The following CCNY variants were observed in gnomAD, a reference collection of about 807,000 sequenced individuals.
The protein encoded by CCNY is cyclin-Y.
In CCNY, 19 loss-of-function variants were observed where a neutral mutation model predicts 42.8. The ratio of observed to expected loss-of-function variants is 0.44; its 90% confidence interval spans 0.31 to 0.65. CCNY has a LOEUF of 0.65. Among genes scored for constraint, CCNY ranks in the 30% least tolerant of loss-of-function variants. CCNY has a pLI of 0.07. For missense variants in CCNY, 370 were observed against 437.3 expected, an observed-to-expected ratio of 0.85 and a Z score of 1.37; for synonymous variants, 165 against 162.7, an observed-to-expected ratio of 1.01 and a Z score of -0.11.
chr10:35,339,720 C>T (rs1456334127), intron 1 of CCNY, among the ~76,000 whole-genome samples: 1 of 152,122 alleles, frequency 6.6e-6, no homozygotes, highest in African/African-American at 2.4e-5. Flanking sequence ...GCTTTCTTCC[C>T]TTTGTCACCA....
chr10:35,286,655 CTTT>C (rs1192327536), intron 3 of CCNY, among the ~76,000 whole-genome samples: 1 of 112,220 alleles, frequency 8.9e-6, no homozygotes. Flanking sequence ...CGTGCCCAGC[CTTT>C]TTTTTTTTTT....
chr10:35,445,013 A>G (rs1169188339), intron 1 of CCNY, among the ~76,000 whole-genome samples: 1 of 152,148 alleles, frequency 6.6e-6, no homozygotes, highest in Non-Finnish European at 1.5e-5. Flanking sequence ...CTTCAGGGTG[A>G]TCAGTGGTGC....
chr10:35,333,444 C>T (rs902838744), upstream of CCNY, among the ~76,000 whole-genome samples: 3 of 152,126 alleles, frequency 2.0e-5, no homozygotes, highest in Non-Finnish European at 4.4e-5. Context: ...TAGTACTAGT[C>T]CTAAGTGGTT....
upstream of CCNY, among the ~76,000 whole-genome samples, chr10:35,335,027 T>C (rs993799598): frequency 2.6e-5 from 4 of 152,152 alleles, no homozygotes; most frequent in Non-Finnish European, 4.4e-5. Flanking sequence ...AGTTTTTTTT[T>C]CAAGAACTAG....
At chr10:35,441,477 C>T (rs139383437) in intron 1 of CCNY, among the ~76,000 whole-genome samples, 72 of 152,192 alleles carry the variant, frequency 4.7e-4, no homozygotes, top group African/African-American at 1.5e-3. Context: ...ATGGAAAAAG[C>T]GGTAGGAGGC....
At chr10:35,392,934 C>G (rs182752427) in intron 1 of CCNY, among the ~76,000 whole-genome samples, 4 of 152,274 alleles carry the variant, frequency 2.6e-5, no homozygotes, top group Admixed American at 2.6e-4. Context: ...CTGCATAGCT[C>G]TGCTAAGTCA....
chr10:35,439,707 A>AT (rs111706337), intron 1 of CCNY, among the ~76,000 whole-genome samples: 11,544 of 141,322 alleles, frequency 0.082, 758 homozygotes, highest in African/African-American at 0.19. Context: ...AGGATGAGTG[A>AT]TTTTTTTTTT....
intron 1 of CCNY, among the ~76,000 whole-genome samples, chr10:35,380,306 G>A (rs1169318728): frequency 1.3e-5 from 2 of 152,200 alleles, no homozygotes; most frequent in Non-Finnish European, 2.9e-5. Context: ...ACTTGAGGAG[G>A]TGACTGGTGG....
intron 1 of CCNY, among the ~76,000 whole-genome samples, chr10:35,360,051 C>A (rs115053602): frequency 1.3e-5 from 2 of 152,114 alleles, no homozygotes; most frequent in African/African-American, 4.8e-5. Flanking sequence ...TGGTGATTGT[C>A]GATAATGCCG....
At chr10:35,425,513 C>T (rs1164216889) in intron 1 of CCNY, among the ~76,000 whole-genome samples, 1 of 152,164 alleles carries the variant, frequency 6.6e-6, no homozygotes, top group Non-Finnish European at 1.5e-5. Flanking sequence ...AGTTATGGTA[C>T]ATTCATAGAG....
intron 3 of CCNY, among the ~76,000 whole-genome samples, chr10:35,322,295 G>A (rs1292696010): frequency 2.6e-5 from 4 of 151,442 alleles, no homozygotes; most frequent in Non-Finnish European, 2.9e-5. Flanking sequence ...CAGAGGCTGC[G>A]GTGAGCTGAG....
chr10:35,444,275 G>A (rs1838741897), intron 1 of CCNY, among the ~76,000 whole-genome samples: 1 of 148,418 alleles, frequency 6.7e-6, no homozygotes, highest in Non-Finnish European at 1.5e-5. Context: ...TGGAGACGGA[G>A]TCTTGCTCTG....
At chr10:35,463,510 G>A (rs1011980866) in intron 1 of CCNY, among the ~76,000 whole-genome samples, 1 of 152,184 alleles carries the variant, frequency 6.6e-6, no homozygotes, top group Non-Finnish European at 1.5e-5. Flanking sequence ...GCATAAGCTC[G>A]TGGAAGGTAA....
intron 1 of CCNY, among the ~76,000 whole-genome samples, chr10:35,427,693 C>T (rs1016519453): frequency 1.4e-4 from 22 of 152,166 alleles, no homozygotes; most frequent in African/African-American, 5.1e-4. Context: ...AAATAAATAA[C>T]GTAGGTCACA....
rs955792710 is a variant in CCNY at position 35,377,234 on chromosome 10, T to G, written c.154+40027T>G. Among the ~76,000 whole-genome samples, 10 of 152,328 alleles carry G rather than the reference T, an allele frequency of 6.6e-5. No homozygotes were observed. In the South Asian group the frequency reaches 1.9e-3, roughly 28 times the overall value. On this transcript the variant is annotated intron_variant, in intron 1 of 9. Coordinates refer to ENST00000374704, the MANE Select transcript of CCNY (RefSeq NM_145012.6). Reference sequence around the variant, plus strand: ...GTAGTGTACAGTAATGTCCTCAGCCTTCACATTGACTCAGCACTCACTTGC... The same window carrying G: ...GTAGTGTACAGTAATGTCCTCAGCCGTCACATTGACTCAGCACTCACTTGC...
At chr10:35,275,685 C>T (rs956019608) in intron 3 of CCNY, among the ~76,000 whole-genome samples, 1 of 151,978 alleles carries the variant, frequency 6.6e-6, no homozygotes, top group Admixed American at 6.6e-5. Context: ...ATGGCGTGAA[C>T]CCGGGAGGCG....
rs1224051618 is a variant in CCNY, at chr10:35,570,354, T to C, written c.*1184T>C. The C allele has an allele frequency of 6.6e-6, 1 of 152,300 alleles. No individual in the cohort carries two copies. The highest frequency in any genetic ancestry group is 1.5e-5 in the Non-Finnish European group (1 of 68,032). The allele number at this position is 152,300 out of a possible 1,614,324, so 9.4% of individuals were successfully genotyped here. ...AAAAAAAACTCAACTTGCATTTTCA[T>C]TGTGGGTGCTTAGAGAAGTTCTACA... is the stretch of plus-strand genomic sequence containing the variant. On this transcript the variant is annotated 3_prime_UTR_variant, in exon 10 of 10. Transcript: ENST00000374704.
intron 1 of CCNY, among the ~76,000 whole-genome samples, chr10:35,407,161 T>G (rs1039848566): frequency 6.6e-6 from 1 of 152,046 alleles, no homozygotes; most frequent in Non-Finnish European, 1.5e-5. Context: ...AGCCACCTCT[T>G]TAAGAGGAAA....
chr10:35,409,804 G>A (rs1254007759), intron 1 of CCNY, among the ~76,000 whole-genome samples: 2 of 151,870 alleles, frequency 1.3e-5, no homozygotes, highest in African/African-American at 4.8e-5. Context: ...GCCCAGGCTG[G>A]AGTGCAGTAG....
Sources: allele counts gnomAD v4.1 joint callset (sites outside exome capture counted in the v4.1 genomes callset), GRCh38; gene constraint gnomAD v4.1.1; transcripts MANE v1.5; gene names NCBI Gene and HGNC (gene_info 2026-07-23, HGNC 2026-07-21).